MPP7: variants seen among roughly 807,000 people sequenced by gnomAD.
MPP7 encodes the protein MAGUK p55 scaffold protein 7, also known as MAGUK p55 subfamily member 7.
MPP7 carries 60 observed loss-of-function variants against 76.5 expected under a neutral mutation model. That is an observed-to-expected ratio of 0.78 (90% CI 0.64 to 0.97). The LOEUF is 0.97. Ranked by LOEUF, MPP7 falls within the 50% of genes least tolerant of loss-of-function variation. The pLI is 0.00. For missense variants in MPP7, 641 were observed against 694.0 expected (o/e 0.92, Z 0.86); for synonymous variants, 237 against 244.5 (o/e 0.97, Z 0.29).
intron 11 of MPP7, among the ~76,000 whole-genome samples, chr10:28,106,294 T>C (rs1161302922): frequency 6.6e-6 from 1 of 152,198 alleles, no homozygotes; most frequent in East Asian, 1.9e-4. Context: ...GCAGAGAACT[T>C]ACCAGGATAC....
intron 3 of MPP7, among the ~76,000 whole-genome samples, chr10:28,189,357 G>GT (rs1837332271): frequency 6.6e-6 from 1 of 151,982 alleles, no homozygotes; most frequent in African/African-American, 2.4e-5. Context: ...GAGCCCAGGA[G>GT]TTTGAGACCA....
chr10:28,145,103 CG>C (rs1378875303), intron 5 of MPP7, among the ~76,000 whole-genome samples: 1 of 151,944 alleles, frequency 6.6e-6, no homozygotes, highest in Non-Finnish European at 1.5e-5. Flanking sequence ...TTAGTAGAGA[CG>C]GGGTTTCACT....
chr10:28,067,620 C>T (rs552360887), intron 13 of MPP7, among the ~76,000 whole-genome samples: 2 of 152,318 alleles, frequency 1.3e-5, no homozygotes, highest in Non-Finnish European at 1.5e-5. Flanking sequence ...TTGTCAACTT[C>T]TATAACAACT....
rs545719053 is a variant in MPP7 at position 28,271,802 on chromosome 10, T to C, written c.-132+31059A>G. ...CATCTTGGCTAACATAGTGAAACCC[T>C]GTCTCTACTAAAAATACAAAAAATT... On this transcript the variant is annotated intron_variant, in intron 1 of 16. Transcript: ENST00000683449. 5.9e-5 allele frequency among the ~76,000 whole-genome samples: 9 copies of C among 152,170 alleles called. No homozygotes were observed. The South Asian group carries it at 1.5e-3, about 25-fold the overall frequency.
chr10:28,167,473 G>T (rs906167413), intron 3 of MPP7, among the ~76,000 whole-genome samples: 1 of 152,162 alleles, frequency 6.6e-6, no homozygotes, highest in South Asian at 2.1e-4. Flanking sequence ...CTGCATAAGC[G>T]GGAAGGAAAG....
At chr10:28,262,200 T>TAC (rs1358493281) in intron 1 of MPP7, among the ~76,000 whole-genome samples, 24 of 15,922 alleles carry the variant, frequency 1.5e-3, no homozygotes, top group African/African-American at 3.4e-3. Flanking sequence ...TATATATATA[T>TAC]ATATATACAT....
chr10:28,109,976 T>G (rs10826399), intron 11 of MPP7, among the ~76,000 whole-genome samples: 52,487 of 151,552 alleles, frequency 0.35, 12,696 homozygotes, highest in East Asian at 0.95. Context: ...GTGATATTTT[T>G]AAACATCATG....
intron 6 of MPP7, among the ~76,000 whole-genome samples, chr10:28,127,496 C>G (rs1296149936): frequency 6.6e-6 from 1 of 152,130 alleles, no homozygotes; most frequent in African/African-American, 2.4e-5. Context: ...CTGGGGAGGC[C>G]TCGCAATCAT....
rs773042207 is a variant in MPP7 at position 28,278,752 on chromosome 10, A to G, written c.-132+24109T>C. Among the ~76,000 whole-genome samples the G allele has an allele frequency of 6.4e-4, 97 of 152,106 alleles. 2 individuals are homozygous for G. Among genetic ancestry groups the G allele is most frequent in the Middle Eastern group, 3.4e-3 (1 of 294 alleles). ...TTAACTACTTCTGAGAAGAGAGGGA[A>G]ATAAAACTGGAAAGGGGAACAAAGT... is the stretch of plus-strand genomic sequence containing the variant. On this transcript the variant is annotated intron_variant, in intron 1 of 16. Coordinates refer to ENST00000683449, the MANE Select transcript of MPP7 (RefSeq NM_001318170.2).
intron 6 of MPP7, among the ~76,000 whole-genome samples, chr10:28,125,632 C>T (rs1834993834): frequency 1.3e-5 from 2 of 151,374 alleles, no homozygotes; most frequent in African/African-American, 2.4e-5. Flanking sequence ...AAAACTTGGG[C>T]GATAATTATA....
chr10:28,105,644 A>G (rs987710697), intron 11 of MPP7, among the ~76,000 whole-genome samples: 1 of 152,136 alleles, frequency 6.6e-6, no homozygotes, highest in Non-Finnish European at 1.5e-5. Flanking sequence ...AGTAACTTGG[A>G]TTACAGGTGT....
intron 1 of MPP7, among the ~76,000 whole-genome samples, chr10:28,294,859 C>T (rs552506702): frequency 7.9e-5 from 12 of 152,274 alleles, no homozygotes; most frequent in Admixed American, 5.9e-4. Flanking sequence ...ACTTTAGAGA[C>T]GGAACAACAG....
chr10:28,194,702 G>C (rs560875443), intron 3 of MPP7, among the ~76,000 whole-genome samples: 1 of 152,306 alleles, frequency 6.6e-6, no homozygotes, highest in African/African-American at 2.4e-5. Context: ...AAAACTATCA[G>C]TGATTGCTGA....
intron 4 of MPP7, among the ~76,000 whole-genome samples, chr10:28,148,820 CACA>C (rs749257454): frequency 2.0e-5 from 3 of 151,962 alleles, no homozygotes; most frequent in Non-Finnish European, 2.9e-5. Context: ...ATGATTGGGC[CACA>C]ACAACATTGG....
chr10:28,103,638 C>T (rs1381143941), intron 11 of MPP7, among the ~76,000 whole-genome samples: 1 of 152,166 alleles, frequency 6.6e-6, no homozygotes, highest in African/African-American at 2.4e-5. Flanking sequence ...TTTGTCTCCA[C>T]TCCTACTCCC....
chr10:28,077,082 C>CAAAAAAAA (rs10577715), intron 12 of MPP7, among the ~76,000 whole-genome samples: 8 of 107,102 alleles, frequency 7.5e-5, no homozygotes, highest in African/African-American at 2.3e-4. Flanking sequence ...TCTCTAACTA[C>CAAAAAAAA]AAAAAAAAAA....
intron 2 of MPP7, among the ~76,000 whole-genome samples, chr10:28,329,119 T>C (rs1834447606): frequency 6.6e-6 from 1 of 152,218 alleles, no homozygotes; most frequent in African/African-American, 2.4e-5. Flanking sequence ...TTCAATTGAT[T>C]GGAATATCTT....
intron 3 of MPP7, among the ~76,000 whole-genome samples, chr10:28,199,267 C>G (rs1837692320): frequency 1.3e-5 from 2 of 152,132 alleles, no homozygotes; most frequent in Non-Finnish European, 2.9e-5. Flanking sequence ...TGGATGGGGA[C>G]ACAGCTAAAC....
At chr10:28,319,015 A>G (rs1199602486) in intron 2 of MPP7, among the ~76,000 whole-genome samples, 1 of 152,260 alleles carries the variant, frequency 6.6e-6, no homozygotes, top group African/African-American at 2.4e-5. Flanking sequence ...ACTGCTATAA[A>G]GAAATACCTG....
Sources: gnomAD v4.1 joint callset for allele counts (sites outside exome capture counted in the v4.1 genomes callset) on GRCh38, gnomAD v4.1.1 for gene constraint, MANE v1.5 for transcripts, NCBI Gene and HGNC (gene_info 2026-07-23, HGNC 2026-07-21) for gene names.